CHIT1: variants seen among roughly 807,000 people sequenced by gnomAD.
The protein encoded by CHIT1 is chitotriosidase-1.
In CHIT1, 47 loss-of-function variants were observed where a neutral mutation model predicts 52.0. The ratio of observed to expected loss-of-function variants is 0.90; its 90% CI spans 0.71 to 1.15. The LOEUF is 1.15. Ranked by LOEUF, CHIT1 falls within the 50% of genes most tolerant of loss-of-function variation. The probability of loss-of-function intolerance (pLI) is 0.00; values close to 1 mark genes in which losing one functional copy is unlikely to be tolerated. For missense variants in CHIT1, 569 were observed against 583.0 expected (o/e 0.98, Z 0.25); for synonymous variants, 242 against 228.2 (o/e 1.06, Z -0.54).
intron 7 of CHIT1, 152 bp downstream of exon 7, chr1:203,222,050 G>A: frequency 8.5e-7 from 1 of 1,177,146 alleles, no homozygotes; most frequent in Non-Finnish European, 1.2e-6. Context: ...CAGGAAAATA[G>A]AACAAAACAA....
chr1:203,220,554 G>A (rs938062869), intron 7 of CHIT1, among the ~76,000 whole-genome samples: 1 of 152,202 alleles, frequency 6.6e-6, no homozygotes, highest in Non-Finnish European at 1.5e-5. Context: ...GAAGGTACCC[G>A]GTACAAGTAT....
chr1:203,226,749 G>T (rs3766537), intron 2 of CHIT1, among the ~76,000 whole-genome samples: 29,945 of 150,082 alleles, frequency 0.2, 2,998 homozygotes, highest in East Asian at 0.25. Context: ...GTGAGGGCTC[G>T]GTGGTGATGA....
intron 5 of CHIT1, 87 bp downstream of exon 5, chr1:203,223,408 G>A: frequency 5.0e-6 from 8 of 1,597,892 alleles, no homozygotes; most frequent in Non-Finnish European, 6.9e-6. Flanking sequence ...GCTGGCTCTG[G>A]GGGCAGAGCA....
At chr1:203,223,011 T>C (rs1656793167) in intron 6 of CHIT1, 124 bp downstream of exon 6, 1 of 1,316,342 alleles carries the variant, frequency 7.6e-7, no homozygotes, top group African/African-American at 1.4e-5. Context: ...TGTTCTGGTG[T>C]AAGGATGGGA....
rs894739648 is a variant in CHIT1, at chr1:203,225,214, C to T, written c.258-110G>A. 9 of 987,570 alleles carry T rather than the reference C, an allele frequency of 9.1e-6. No homozygotes were observed. The African/African-American group carries it at 9.5e-5, about 10-fold the overall frequency. The allele number at this position is 987,570 out of a possible 1,614,324, so 61.2% of individuals were successfully genotyped here. ...CAGGGGTGGGGACGTGTGAAAGTGC[C>T]TATGTGCAGAGACTGTATTAGGCAT... On this transcript the variant is annotated intron_variant, in intron 3 of 10. Transcript: ENST00000367229.
chr1:203,220,066 G>A (rs76439765), intron 7 of CHIT1, among the ~76,000 whole-genome samples: 9 of 152,262 alleles, frequency 5.9e-5, no homozygotes, highest in African/African-American at 1.4e-4. Flanking sequence ...ACCAGAGAGC[G>A]TGGGCTTCGG....
chr1:203,224,358 C>G (rs1257610643), intron 4 of CHIT1, among the ~76,000 whole-genome samples: 1 of 152,120 alleles, frequency 6.6e-6, no homozygotes, highest in Non-Finnish European at 1.5e-5. Context: ...TTAATTTAGT[C>G]CGAGGACACC....
At chr1:203,222,143 C>A in intron 7 of CHIT1, 59 bp downstream of exon 7, 1 of 1,610,580 alleles carries the variant, frequency 6.2e-7, no homozygotes, top group Non-Finnish European at 8.5e-7. Context: ...TCAAAAGAAG[C>A]CACCAAACAG....
chr1:203,226,272 G>A (rs1656926284), intron 2 of CHIT1, among the ~76,000 whole-genome samples: 1 of 152,208 alleles, frequency 6.6e-6, no homozygotes, highest in Non-Finnish European at 1.5e-5. Flanking sequence ...CGAGCTCCCA[G>A]GATCAGGGTC....
intron 10 of CHIT1, chr1:203,217,454 G>A: frequency 2.2e-6 from 3 of 1,346,372 alleles, no homozygotes; most frequent in Non-Finnish European, 3.0e-6. Context: ...CCAGGTAAGA[G>A]AGGAACAAGG....
Position 203,219,805 on chromosome 1 carries a change from G to T in CHIT1, c.774C>A (p.Ser258Arg). The change falls in exon 8 of 11, where the codon AGC (serine) becomes AGA (arginine). Residue 258 changes from serine to arginine, a missense_variant. Physicochemically the swap from Ser to Arg is moderately radical, Grantham distance 110. Transcript: ENST00000367229. Reference sequence around the variant, plus strand: ...AGGTAGGCATGCCAAGGATCAGCTTGCTGGCAGGGGTCCCCTTCTGCAGCC... The same window carrying T: ...AGGTAGGCATGCCAAGGATCAGCTTTCTGGCAGGGGTCCCCTTCTGCAGCC... The part of the protein sequence containing the change: ...QQWLQKGTPA[S>R]KLILGMPTYG... 3 of 1,612,634 alleles carry T rather than the reference G, an allele frequency of 1.9e-6. No individual in the cohort carries two copies. Among genetic ancestry groups the T allele is most frequent in the African/African-American group, 1.3e-5 (1 of 74,994 alleles).
At chr1:203,220,617 C>T (rs1042369186) in intron 7 of CHIT1, among the ~76,000 whole-genome samples, 1 of 152,230 alleles carries the variant, frequency 6.6e-6, no homozygotes, top group Non-Finnish European at 1.5e-5. Flanking sequence ...GTATGGTTCA[C>T]TTTCCCCCAG....
At chr1:203,222,919 G>A (rs1349859947) in intron 6 of CHIT1, among the ~76,000 whole-genome samples, 1 of 152,134 alleles carries the variant, frequency 6.6e-6, no homozygotes, top group Non-Finnish European at 1.5e-5. Context: ...TCTGGAACAG[G>A]GCAGCAGTGG....
chr1:203,225,763 T>C lies in CHIT1; in HGVS notation c.163A>G (p.Ile55Val). Reference sequence around the variant, plus strand: ...TTGGTCATGCCAGCGAAGGCGTAGATGAGGTGGGTGCAAAGGCTGGGGTCC... The same window carrying C: ...TTGGTCATGCCAGCGAAGGCGTAGACGAGGTGGGTGCAAAGGCTGGGGTCC... ...DLDPSLCTHL[I>V]YAFAGMTNHQ... The change falls in exon 3 of 11, where the codon ATC becomes GTC. Residue 55 changes from isoleucine (I) to valine (V), a missense_variant. Ile to Val is a conservative substitution (Grantham distance 29). Coordinates refer to ENST00000367229, the MANE Select transcript of CHIT1 (RefSeq NM_003465.3). The C allele has an allele frequency of 6.2e-7, 1 of 1,614,110 alleles. No individual in the cohort carries two copies. The highest frequency in any genetic ancestry group is 8.5e-7 in the Non-Finnish European group (1 of 1,180,008).
chr1:203,225,944 G>C, intron 2 of CHIT1, 74 bp from the exon 3 acceptor site: 5 of 1,500,534 alleles, frequency 3.3e-6, no homozygotes, highest in Non-Finnish European at 3.7e-6. Flanking sequence ...TCCATCTGGG[G>C]TAGGCAATGT....
chr1:203,228,126 A>G (rs1045919577), intron 2 of CHIT1, among the ~76,000 whole-genome samples: 1 of 152,256 alleles, frequency 6.6e-6, no homozygotes, highest in Non-Finnish European at 1.5e-5. Context: ...ATGCTGAACC[A>G]GATGAGACTT....
Position 203,229,663 on chromosome 1 carries a change from C to T in CHIT1, c.-27G>A, listed in dbSNP as rs1450327186. 1 of 1,613,694 alleles carries T rather than the reference C, an allele frequency of 6.2e-7. No homozygotes were observed. Among genetic ancestry groups the T allele is most frequent in the East Asian group, 2.2e-5 (1 of 44,888 alleles). On this transcript the variant is annotated 5_prime_UTR_variant, in exon 1 of 11. Coordinates refer to ENST00000367229, the MANE Select transcript of CHIT1 (RefSeq NM_003465.3). ...ATGCAGCTCAGCGGCAGGCTGCAGC[C>T]CATACAAACCAGCTTTCCAGGTCCT...
At chr1:203,223,757 C>A in intron 4 of CHIT1, 97 bp from the exon 5 acceptor site, 1 of 1,290,296 alleles carries the variant, frequency 7.8e-7, no homozygotes, top group Non-Finnish European at 1.1e-6. Flanking sequence ...GACAGTGCGT[C>A]TCTGTGTCTG....
rs1299093182 is a variant in CHIT1, at chr1:203,219,279, C to G, written c.966G>C (p.Val322=). Reference sequence around the variant, plus strand: ...ACTGGTTGTCCCGGAAGATGTAGGGCACCTTCTGATCCTGGATTCTCTGTT... The same window carrying G: ...ACTGGTTGTCCCGGAAGATGTAGGGGACCTTCTGATCCTGGATTCTCTGTT... ...ATKQRIQDQK[V]PYIFRDNQWV... The change falls in exon 9 of 11, where the codon GTG becomes GTC. Residue 322 remains valine (V), a synonymous_variant. Coordinates refer to ENST00000367229, the MANE Select transcript of CHIT1 (RefSeq NM_003465.3). The G allele has an allele frequency of 6.2e-7, 1 of 1,603,704 alleles. No homozygotes were observed. The highest frequency in any genetic ancestry group is 8.5e-7 in the Non-Finnish European group (1 of 1,171,388).
Sources: gnomAD v4.1 joint callset for allele counts (sites outside exome capture counted in the v4.1 genomes callset) on GRCh38, gnomAD v4.1.1 for gene constraint, MANE v1.5 for transcripts, NCBI Gene and HGNC (gene_info 2026-07-23, HGNC 2026-07-21) for gene names.